Variants in SLC39A11 observed in about 807,000 individuals in gnomAD.
SLC39A11 encodes the protein solute carrier family 39 member 11, also known as zinc transporter ZIP11.
In SLC39A11, 33 loss-of-function variants were observed where a neutral mutation model predicts 36.1. The observed-to-expected ratio is 0.91, with a 90% CI of 0.69 to 1.22. The LOEUF is 1.22. Ranked by LOEUF, SLC39A11 falls within the 50% of genes most tolerant of loss-of-function variation. SLC39A11 has a pLI of 0.00. For synonymous variants in SLC39A11, 166 were observed against 170.3 expected (o/e 0.97, Z 0.20); for missense variants, 432 against 430.3 (o/e 1.00, Z -0.03).
chr17:72,770,939 G>A lies in SLC39A11; in HGVS notation c.602-34220C>T, dbSNP rs2075911373. On this transcript the variant is annotated intron_variant, in intron 6 of 9. Transcript: ENST00000255559. ...GCCTTCTCATCCACATTCTGCACAC[G>A]AGTAAACCGTAGGAGGTTATTCTAG... Among the ~76,000 whole-genome samples the A allele has an allele frequency of 2.0e-5, 3 of 152,006 alleles. No individual in the cohort carries two copies. In the South Asian group the frequency reaches 6.2e-4, roughly 32 times the overall value.
chr17:72,647,782 T>G, intron 9 of SLC39A11, 120 bp from the exon 10 acceptor site: 1 of 738,868 alleles, frequency 1.4e-6, no homozygotes, highest in Non-Finnish European at 2.3e-6. Context: ...TTAATAATGG[T>G]AACATTTACT....
chr17:73,088,955 C>T (rs897728230), intron 1 of SLC39A11, among the ~76,000 whole-genome samples, 180 bp from the exon 2 acceptor site: 5 of 152,162 alleles, frequency 3.3e-5, no homozygotes, highest in African/African-American at 7.2e-5. Flanking sequence ...GCTTCTCTAT[C>T]CAGGTCCCCC....
At chr17:72,676,960 C>T (rs905856780) in intron 7 of SLC39A11, among the ~76,000 whole-genome samples, 3 of 152,154 alleles carry the variant, frequency 2.0e-5, no homozygotes, top group South Asian at 4.1e-4. Context: ...TGGTGGTTTC[C>T]GGACTTTTCC....
chr17:72,770,550 C>T (rs776929286), intron 6 of SLC39A11, among the ~76,000 whole-genome samples: 4 of 152,196 alleles, frequency 2.6e-5, no homozygotes, highest in Non-Finnish European at 4.4e-5. Context: ...TCTCCTTTCA[C>T]GGGTGTCAGA....
At chr17:72,773,035 G>A (rs1255356504) in intron 6 of SLC39A11, among the ~76,000 whole-genome samples, 2 of 152,098 alleles carry the variant, frequency 1.3e-5, no homozygotes, top group East Asian at 1.9e-4. Context: ...GCAGTGAGCC[G>A]AGATCATGCC....
At chr17:73,009,299 G>A (rs907136217) in intron 4 of SLC39A11, among the ~76,000 whole-genome samples, 1 of 150,096 alleles carries the variant, frequency 6.7e-6, no homozygotes, top group Non-Finnish European at 1.5e-5. Context: ...AGCTTGCAGT[G>A]AGCCGAGATT....
At chr17:72,708,575 C>G (rs1225554303) in intron 7 of SLC39A11, among the ~76,000 whole-genome samples, 1 of 152,184 alleles carries the variant, frequency 6.6e-6, no homozygotes, top group African/African-American at 2.4e-5. Context: ...AGCCTGTTAC[C>G]TCATCTCCTA....
chr17:73,015,922 C>A (rs1394035874), intron 4 of SLC39A11, among the ~76,000 whole-genome samples: 2 of 152,170 alleles, frequency 1.3e-5, no homozygotes, highest in East Asian at 3.9e-4. Context: ...TGAGGAATGG[C>A]GGTGCTTTCT....
chr17:72,958,570 G>T (rs2086391838), intron 4 of SLC39A11, among the ~76,000 whole-genome samples: 1 of 152,166 alleles, frequency 6.6e-6, no homozygotes, highest in African/African-American at 2.4e-5. Context: ...AAAGAAGATG[G>T]CCCGGCACAG....
In SLC39A11 at chr17:72,647,582, C is replaced by A. The variant is rs748785671; in HGVS notation, c.*2G>T. 6.2e-7 allele frequency: 1 copy of A among 1,613,552 alleles called. No individual in the cohort carries two copies. The highest frequency in any genetic ancestry group is 8.5e-7 in the Non-Finnish European group (1 of 1,179,772). On this transcript the variant is annotated 3_prime_UTR_variant, in exon 10 of 10. Transcript: ENST00000255559. ...TTTCCCGGGGTCCGAAGCGTCTCAG[C>A]CCTAGCCCAGGCCAACGTCCAGTGA...
intron 5 of SLC39A11, among the ~76,000 whole-genome samples, chr17:72,878,694 C>T (rs1446077746): frequency 5.3e-5 from 8 of 152,188 alleles, no homozygotes; most frequent in Non-Finnish European, 8.8e-5. Context: ...TCCCTACTCT[C>T]ATATAAAAAT....
At position 72,776,612 on chromosome 17, in the gene SLC39A11, A is replaced by G. The variant is rs1270953547; in HGVS notation, c.602-39893T>C. 3.4e-5 allele frequency among the ~76,000 whole-genome samples: 5 copies of G among 146,444 alleles called. No individual in the cohort carries two copies. In the East Asian group the frequency reaches 7.9e-4, roughly 23 times the overall value. ...TTATAAATAAAATACTTTGCATGGA[A>G]AAAAAAAAAAAAAAAAACAGAAGAC... On this transcript the variant is annotated intron_variant, in intron 6 of 9. Coordinates refer to ENST00000255559, the MANE Select transcript of SLC39A11 (RefSeq NM_139177.4).
intron 7 of SLC39A11, among the ~76,000 whole-genome samples, chr17:72,661,541 A>G (rs16977309): frequency 0.018 from 2,667 of 152,216 alleles, 66 homozygotes; most frequent in African/African-American, 0.057. Context: ...AGGCCCTTAC[A>G]TACTGTTTTG....
At chr17:72,670,541 G>T (rs1228536399) in intron 7 of SLC39A11, among the ~76,000 whole-genome samples, 1 of 152,040 alleles carries the variant, frequency 6.6e-6, no homozygotes, top group Non-Finnish European at 1.5e-5. Context: ...CTATAAGCAA[G>T]ATCTGTTTCA....
intron 5 of SLC39A11, among the ~76,000 whole-genome samples, chr17:72,920,180 G>T (rs1259237893): frequency 2.0e-5 from 3 of 151,966 alleles, no homozygotes; most frequent in Admixed American, 2.0e-4. Context: ...GGGGGATAAG[G>T]GAAAATGTCC....
Position 72,703,139 on chromosome 17 carries a change from T to C in SLC39A11, c.671+33511A>G, listed in dbSNP as rs1484052478. On this transcript the variant is annotated intron_variant, in intron 7 of 9. Coordinates refer to ENST00000255559, the MANE Select transcript of SLC39A11 (RefSeq NM_139177.4). The stretch of plus-strand genomic sequence containing the variant: ...CTTCCTCCCACTTGGGTTTATTTTA[T>C]AGGCTTTTCCTGAGATATTAGGGGG... Among the ~76,000 whole-genome samples the C allele has an allele frequency of 5.9e-5, 9 of 152,226 alleles. No homozygotes were observed. The East Asian group carries it at 1.7e-3, about 29-fold the overall frequency.
At chr17:73,083,015 CAAAAA>C (rs34607510) in intron 3 of SLC39A11, among the ~76,000 whole-genome samples, 15 of 89,782 alleles carry the variant, frequency 1.7e-4, no homozygotes, top group Non-Finnish European at 2.5e-4. Flanking sequence ...GACTCCATTT[CAAAAA>C]AAAAAAAAAA....
chr17:72,900,027 AG>A (rs2082250345), intron 5 of SLC39A11, among the ~76,000 whole-genome samples: 1 of 148,198 alleles, frequency 6.7e-6, no homozygotes, highest in African/African-American at 2.5e-5. Context: ...AGAAAGAGAG[AG>A]AGAGAGAAAG....
At chr17:72,725,390 G>GC (rs1410448658) in intron 7 of SLC39A11, 2 of 152,092 alleles carry the variant, frequency 1.3e-5, no homozygotes, top group Non-Finnish European at 2.9e-5. Context: ...ACAATAACGA[G>GC]CTTTATAAAT....
Sources: gnomAD v4.1 joint callset for allele counts (sites outside exome capture counted in the v4.1 genomes callset) on GRCh38, gnomAD v4.1.1 for gene constraint, MANE v1.5 for transcripts, NCBI Gene and HGNC (gene_info 2026-07-23, HGNC 2026-07-21) for gene names.